MAN1A2: variants seen among roughly 807,000 people sequenced by gnomAD.
MAN1A2 encodes the protein mannosidase alpha class 1A member 2, also known as mannosyl-oligosaccharide 1,2-alpha-mannosidase IB.
In MAN1A2, 26 loss-of-function variants were observed where a neutral mutation model predicts 75.7. The ratio of observed to expected loss-of-function variants is 0.34; its 90% CI spans 0.25 to 0.48. The LOEUF (loss-of-function observed/expected upper bound fraction) is 0.48. Among genes scored for constraint, MAN1A2 ranks in the 20% least tolerant of loss-of-function variants. MAN1A2 has a pLI of 0.99. For missense variants in MAN1A2, 562 were observed against 775.5 expected, an observed-to-expected ratio of 0.72 and a Z score of 3.27; for synonymous variants, 247 against 264.6, an observed-to-expected ratio of 0.93 and a Z score of 0.65.
chr1:117,377,373 A>G (rs992688511), intron 1 of MAN1A2, among the ~76,000 whole-genome samples: 1 of 152,200 alleles, frequency 6.6e-6, no homozygotes, highest in South Asian at 2.1e-4. Flanking sequence ...CGTTGGTGTA[A>G]ATGTAAATTA....
intron 8 of MAN1A2, among the ~76,000 whole-genome samples, chr1:117,477,755 A>G (rs925007253): frequency 6.6e-6 from 1 of 152,028 alleles, no homozygotes; most frequent in East Asian, 1.9e-4. Context: ...CACTACTCCC[A>G]TACAACATAG....
rs1333747743 is a variant in MAN1A2, at chr1:117,525,139, T to A, written c.*2182T>A. On this transcript the variant is annotated 3_prime_UTR_variant, in exon 13 of 13. Coordinates refer to ENST00000356554, the MANE Select transcript of MAN1A2 (RefSeq NM_006699.5). ...GAACCCCTACTTCCAAGTGCTCTAT[T>A]TGTATTACCCAGATGACTGAAGCTT... 1 of 528,414 alleles carries A rather than the reference T, an allele frequency of 1.9e-6. No homozygotes were observed. Among genetic ancestry groups the A allele is most frequent in the East Asian group, 5.5e-5 (1 of 18,204 alleles). 32.7% of individuals were successfully genotyped at this position (528,414 alleles called of 1,614,324 possible).
intron 6 of MAN1A2, among the ~76,000 whole-genome samples, chr1:117,445,880 G>GTATA (rs771435341): frequency 0.018 from 2,293 of 125,950 alleles, 42 homozygotes; most frequent in African/African-American, 0.035. Flanking sequence ...GTGTCTGTGT[G>GTATA]TGTGTATATA....
At chr1:117,487,184 C>CGA (rs1393785911) in intron 8 of MAN1A2, among the ~76,000 whole-genome samples, 1 of 151,926 alleles carries the variant, frequency 6.6e-6, no homozygotes, top group Non-Finnish European at 1.5e-5. Flanking sequence ...GTTTGCATCC[C>CGA]ACACACTTTT....
intron 12 of MAN1A2, among the ~76,000 whole-genome samples, chr1:117,520,737 A>G (rs914274764): frequency 6.6e-6 from 1 of 152,078 alleles, no homozygotes; most frequent in Admixed American, 6.6e-5. Flanking sequence ...GAAAATGACC[A>G]TACTGCCAAA....
chr1:117,387,336 G>A (rs565269620), intron 1 of MAN1A2, among the ~76,000 whole-genome samples: 3 of 152,222 alleles, frequency 2.0e-5, no homozygotes, highest in African/African-American at 7.2e-5. Flanking sequence ...ACAGTATGGT[G>A]TGTTCCTTTC....
At chr1:117,430,955 C>A (rs1435301555) in intron 5 of MAN1A2, among the ~76,000 whole-genome samples, 1 of 135,342 alleles carries the variant, frequency 7.4e-6, no homozygotes, top group Non-Finnish European at 1.6e-5. Flanking sequence ...CGTCTGCAAT[C>A]CCGGCACCTC....
chr1:117,416,623 A>G (rs1318124424), intron 4 of MAN1A2, among the ~76,000 whole-genome samples: 1 of 152,184 alleles, frequency 6.6e-6, no homozygotes, highest in Non-Finnish European at 1.5e-5. Flanking sequence ...TTGTTATCCA[A>G]CTAATGGGGA....
At chr1:117,465,111 A>G (rs568481862) in intron 7 of MAN1A2, among the ~76,000 whole-genome samples, 1 of 152,274 alleles carries the variant, frequency 6.6e-6, no homozygotes, top group South Asian at 2.1e-4. Flanking sequence ...GTAACAAAGT[A>G]TAAGAAAAAA....
At chr1:117,373,906 CATT>C (rs1180624157) in intron 1 of MAN1A2, among the ~76,000 whole-genome samples, 1 of 84,460 alleles carries the variant, frequency 1.2e-5, no homozygotes, top group Admixed American at 1.1e-4. Context: ...ACATGGTAAA[CATT>C]AATTGATTTT....
chr1:117,492,182 G>A (rs569514178), intron 8 of MAN1A2, among the ~76,000 whole-genome samples: 4 of 152,052 alleles, frequency 2.6e-5, no homozygotes, highest in Non-Finnish European at 5.9e-5. Context: ...GCTACAGAGA[G>A]ATCTTTCGTC....
intron 4 of MAN1A2, among the ~76,000 whole-genome samples, 197 bp downstream of exon 4, chr1:117,415,028 T>C (rs950479386): frequency 2.6e-5 from 4 of 151,952 alleles, no homozygotes; most frequent in Non-Finnish European, 4.4e-5. Context: ...GGAAAAAATA[T>C]ATATATATAT....
At chr1:117,473,179 C>T (rs1242564793) in intron 8 of MAN1A2, among the ~76,000 whole-genome samples, 1 of 151,878 alleles carries the variant, frequency 6.6e-6, no homozygotes, top group African/African-American at 2.4e-5. Context: ...GTTATTCCTC[C>T]AGTCTTTCTC....
chr1:117,407,430 G>A (rs1016050901), intron 3 of MAN1A2, among the ~76,000 whole-genome samples: 6 of 151,664 alleles, frequency 4.0e-5, no homozygotes, highest in Admixed American at 6.6e-5. Context: ...TAAGAGAAGC[G>A]TGGTAAGTAG....
intron 6 of MAN1A2, among the ~76,000 whole-genome samples, chr1:117,447,583 A>G (rs761867115): frequency 1.3e-5 from 2 of 152,134 alleles, no homozygotes; most frequent in Non-Finnish European, 2.9e-5. Flanking sequence ...GTGTGTGAGA[A>G]TGGCTCTTAT....
chr1:117,476,422 AG>A (rs1650316717), intron 8 of MAN1A2, among the ~76,000 whole-genome samples: 1 of 151,900 alleles, frequency 6.6e-6, no homozygotes, highest in Admixed American at 6.6e-5. Flanking sequence ...TTAGTCATGA[AG>A]TCTTTGTCCA....
intron 1 of MAN1A2, among the ~76,000 whole-genome samples, chr1:117,377,160 T>TG (rs1653175382): frequency 6.6e-6 from 1 of 152,212 alleles, no homozygotes; most frequent in Non-Finnish European, 1.5e-5. Context: ...TCCAATTAGT[T>TG]GGCAGTCAGG....
chr1:117,374,583 G>A (rs1653081092), intron 1 of MAN1A2, among the ~76,000 whole-genome samples: 1 of 152,222 alleles, frequency 6.6e-6, no homozygotes, highest in African/African-American at 2.4e-5. Flanking sequence ...AGTCCAGAAG[G>A]AAGGCATCAT....
At chr1:117,477,329 A>G (rs1432107031) in intron 8 of MAN1A2, among the ~76,000 whole-genome samples, 3 of 152,052 alleles carry the variant, frequency 2.0e-5, no homozygotes, top group Non-Finnish European at 2.9e-5. Context: ...GCAGAGACAC[A>G]ACAAAAAAAG....
Sources: allele counts gnomAD v4.1 joint callset (sites outside exome capture counted in the v4.1 genomes callset), GRCh38; gene constraint gnomAD v4.1.1; transcripts MANE v1.5; gene names NCBI Gene and HGNC (gene_info 2026-07-23, HGNC 2026-07-21).